The following MYLK variants were observed in gnomAD, a reference collection of about 807,000 sequenced individuals.
MYLK encodes the protein myosin light chain kinase, smooth muscle.
Under a neutral mutation model 203.4 loss-of-function variants are expected in MYLK, and 106 were observed. The observed-to-expected ratio is 0.52, with a 90% CI of 0.45 to 0.61. The LOEUF (loss-of-function observed/expected upper bound fraction) is 0.61. MYLK is among the 20% of genes least tolerant of loss of function. The pLI, the probability that MYLK is intolerant of heterozygous loss-of-function variation, is 0.00. For synonymous variants in MYLK, 867 were observed against 959.5 expected, an observed-to-expected ratio of 0.90 and a Z score of 1.78; for missense variants, 2,072 against 2,442.3, an observed-to-expected ratio of 0.85 and a Z score of 3.20.
intron 2 of MYLK, among the ~76,000 whole-genome samples, chr3:123,855,439 T>C (rs2031272904): frequency 6.6e-6 from 1 of 152,096 alleles, no homozygotes; most frequent in Non-Finnish European, 1.5e-5. Context: ...TGTTTTTATA[T>C]ATACCTGATC....
chr3:123,826,955 A>C (rs1281257790), intron 3 of MYLK, among the ~76,000 whole-genome samples: 1 of 152,226 alleles, frequency 6.6e-6, no homozygotes, highest in African/African-American at 2.4e-5. Flanking sequence ...AAATTGGAAG[A>C]GGCAACTTTT....
In MYLK at chr3:123,700,767, G is replaced by C. The variant is rs765778763; in HGVS notation, c.2701C>G (p.Leu901Val). ...EVEQLDFRDL[L>V]GKKVSTKTLS... The stretch of plus-strand genomic sequence containing the variant: ...GTCTTTGTACTCACCTTCTTCCCCA[G>C]GAGGTCTCGGAAGTCCAGCTGCTCC... The change falls in exon 18 of 34, where the codon CTG becomes GTG. Residue 901 changes from leucine (L) to valine (V), a missense_variant. Leu to Val is a conservative substitution (Grantham distance 32, BLOSUM62 1). Coordinates refer to ENST00000360304, the MANE Select transcript of MYLK (RefSeq NM_053025.4). The C allele has an allele frequency of 2.6e-5, 42 of 1,614,092 alleles. No individual in the cohort carries two copies. Among genetic ancestry groups the C allele is most frequent in the Admixed American group, 6.7e-5 (4 of 60,002 alleles).
At chr3:123,823,848 T>G (rs1288016202) in intron 3 of MYLK, among the ~76,000 whole-genome samples, 1 of 152,188 alleles carries the variant, frequency 6.6e-6, no homozygotes, top group African/African-American at 2.4e-5. Context: ...CTGGCCTGCT[T>G]TGCTGTTCCT....
chr3:123,768,993 T>C (rs2063790732), intron 4 of MYLK, among the ~76,000 whole-genome samples: 1 of 150,454 alleles, frequency 6.6e-6, no homozygotes, highest in Non-Finnish European at 1.5e-5. Flanking sequence ...GCTTCCTCCT[T>C]GCAGCATCTA....
intron 3 of MYLK, among the ~76,000 whole-genome samples, chr3:123,823,495 A>G (rs2066006233): frequency 6.6e-6 from 1 of 151,796 alleles, no homozygotes; most frequent in Non-Finnish European, 1.5e-5. Context: ...CTCTCCCTCC[A>G]CTTCCAATCC....
chr3:123,638,693 C>G (rs2058731510), intron 28 of MYLK: 24 of 949,160 alleles, frequency 2.5e-5, no homozygotes, highest in Non-Finnish European at 3.0e-5. Context: ...GGTCGGGACT[C>G]AAGCCCAGGT....
At chr3:123,849,123 G>A (rs141312995) in intron 2 of MYLK, among the ~76,000 whole-genome samples, 101 of 152,044 alleles carry the variant, frequency 6.6e-4, no homozygotes, top group Middle Eastern at 6.8e-3. Context: ...CTACAGGCCC[G>A]CGTCACTACA....
At chr3:123,709,674 G>A (rs1330627786) in intron 14 of MYLK, 82 bp downstream of exon 14, 1 of 1,572,792 alleles carries the variant, frequency 6.4e-7, no homozygotes, top group East Asian at 2.2e-5. Context: ...TCAAGGATCT[G>A]AGCGGGTCCT....
chr3:123,775,362 T>G (rs555162021), intron 4 of MYLK, among the ~76,000 whole-genome samples: 2 of 152,334 alleles, frequency 1.3e-5, no homozygotes, highest in African/African-American at 4.8e-5. Context: ...ACAAAACAAA[T>G]GTAAGTTCAG....
intron 3 of MYLK, among the ~76,000 whole-genome samples, chr3:123,801,234 A>C (rs1475869452): frequency 6.6e-6 from 1 of 152,216 alleles, no homozygotes; most frequent in Non-Finnish European, 1.5e-5. Flanking sequence ...TTACAAAAAT[A>C]ACTTGGACCT....
chr3:123,697,568 G>A (rs1390641129), intron 18 of MYLK, among the ~76,000 whole-genome samples: 1 of 152,194 alleles, frequency 6.6e-6, no homozygotes, highest in Non-Finnish European at 1.5e-5. Flanking sequence ...TCAGCCACCT[G>A]AGTTCAAATC....
intron 8 of MYLK, chr3:123,735,751 C>G (rs13061322): frequency 0.96 from 309,460 of 321,922 alleles, 149,796 homozygotes; most frequent in East Asian, 1. Flanking sequence ...CTGTAACTTA[C>G]CAGTGTACAG....
chr3:123,820,640 T>TCCTTCCTTCCTTCCTTCCC (rs2065896951), intron 3 of MYLK, among the ~76,000 whole-genome samples: 5 of 116,246 alleles, frequency 4.3e-5, no homozygotes, highest in African/African-American at 1.6e-4. Flanking sequence ...CCTTCCTTCC[T>TCCTTCCTTCCTTCCTTCCC]TCCCTCCTTC....
In MYLK at chr3:123,737,405, A is replaced by G. The variant is rs1576794471; in HGVS notation, c.727T>C (p.Ser243Pro). 1 of 1,614,136 alleles carries G rather than the reference A, an allele frequency of 6.2e-7. No individual in the cohort carries two copies. Among genetic ancestry groups the G allele is most frequent in the East Asian group, 2.2e-5 (1 of 44,874 alleles). The change falls in exon 8 of 34, where the codon TCG becomes CCG. Residue 243 changes from serine to proline, a missense_variant. By Grantham distance (74) the Ser-to-Pro change is moderately conservative. This residue lies in a region of MYLK where 683 missense variants were observed against 643.8 expected (regional missense o/e 1.06). Coordinates refer to ENST00000360304, the MANE Select transcript of MYLK (RefSeq NM_053025.4). ...TGGATGGAAAGTTCAGCTGACATCG[A>G]GGCCTTCCCCGACCCGTTCACCACC... ...CLVVNGSGKA[S>P]MSAELSIQGL... is the part of the protein sequence containing the mutation.
intron 2 of MYLK, among the ~76,000 whole-genome samples, chr3:123,848,487 G>C (rs116125522): frequency 1.4e-3 from 211 of 151,730 alleles, no homozygotes; most frequent in African/African-American, 5.0e-3. Flanking sequence ...ATTTGGTTTG[G>C]GAAGGCAATA....
At position 123,709,737 on chromosome 3, in the gene MYLK, G is replaced by C. The variant is rs758451746; in HGVS notation, c.1942+19C>G. 8.7e-6 allele frequency: 14 copies of C among 1,613,130 alleles called. No homozygotes were observed. The highest frequency in any genetic ancestry group is 2.7e-5 in the African/African-American group (2 of 74,886). On this transcript the variant is annotated intron_variant, in intron 14 of 33. Transcript: ENST00000360304. ...ACCATTTTCATGTTAATCCCCAAGA[G>C]AGAGCTGCAGAGACAGACCTGACAC...
intron 11 of MYLK, among the ~76,000 whole-genome samples, chr3:123,728,795 G>T (rs1204295533): frequency 6.6e-6 from 1 of 152,138 alleles, no homozygotes; most frequent in African/African-American, 2.4e-5. Flanking sequence ...TAAGAGAATG[G>T]TCACTATTTG....
Position 123,614,038 on chromosome 3 carries a change from T to C in MYLK, c.*67A>G. The C allele has an allele frequency of 6.4e-7, 1 of 1,558,512 alleles. No homozygotes were observed. Among genetic ancestry groups the C allele is most frequent in the Non-Finnish European group, 8.7e-7 (1 of 1,152,154 alleles). Reference sequence around the variant, plus strand: ...CTTTTACTATCTTGAGTTTTTTTTTTTTTTTTGAGTTTTAGAGAAATAGTC... The same window carrying C: ...CTTTTACTATCTTGAGTTTTTTTTTCTTTTTTGAGTTTTAGAGAAATAGTC... On this transcript the variant is annotated 3_prime_UTR_variant, in exon 34 of 34. Transcript: ENST00000360304.
intron 30 of MYLK, among the ~76,000 whole-genome samples, chr3:123,628,748 A>G (rs1260712783): frequency 1.3e-5 from 2 of 152,038 alleles, no homozygotes; most frequent in Non-Finnish European, 2.9e-5. Flanking sequence ...CCAAGCTCCA[A>G]TCTTCTACTG....
Sources: gnomAD v4.1 joint callset for allele counts (sites outside exome capture counted in the v4.1 genomes callset) on GRCh38, gnomAD v4.1.1 for gene constraint, gnomAD v4.1.1 regional missense constraint, MANE v1.5 for transcripts, NCBI Gene and HGNC (gene_info 2026-07-23, HGNC 2026-07-21) for gene names.